AKR1E2: variants seen among roughly 807,000 people sequenced by gnomAD.
AKR1E2 encodes the protein aldo-keto reductase family 1 member E2.
AKR1E2 carries 43 observed loss-of-function variants against 41.9 expected under a neutral mutation model. That is an observed-to-expected ratio of 1.03 (90% confidence interval 0.80 to 1.32). The LOEUF (loss-of-function observed/expected upper bound fraction) is 1.32, where lower values mean the gene tolerates loss of function less well. AKR1E2 is among the 40% of genes most tolerant of loss of function. The pLI, the probability that AKR1E2 is intolerant of heterozygous loss-of-function variation, is 0.00. For synonymous variants in AKR1E2, 121 were observed against 138.9 expected (o/e 0.87, Z 0.91); for missense variants, 423 against 396.5 (o/e 1.07, Z -0.57).
At chr10:4,864,484 A>T in the AKR1E2 span, among the ~76,000 whole-genome samples, 4 of 152,126 alleles carry the variant, frequency 2.6e-5, no homozygotes, top group Non-Finnish European at 5.9e-5. Context: ...GCTATTTATG[A>T]CAAACCCACA....
Position 4,830,695 on chromosome 10 carries a change from C to A in AKR1E2, c.60C>A (p.Thr20=), listed in dbSNP as rs3750739. Residue 20 remains threonine (T), a synonymous_variant, in exon 2 of 10, where the codon ACC becomes ACA. Transcript: ENST00000298375. ...SSWKASPGKV[T]EAVKEAIDAG... is the part of the protein sequence containing the mutation. ...TGCAGGCTTCTCCAGGGAAAGTGAC[C>A]GAGGCAGTGAAAGAGGCCATTGACG... is the stretch of plus-strand genomic sequence containing the variant. 0.043 allele frequency: 68,681 copies of A among 1,613,746 alleles called. 1,820 individuals carry two copies. The highest frequency in any genetic ancestry group is 0.12 in the East Asian group (5,522 of 44,846).
chr10:4,833,387 C>T lies in AKR1E2; in HGVS notation c.245C>T (p.Thr82Ile), dbSNP rs1833133737. Residue 82 changes from threonine (T) to isoleucine (I), a missense_variant, in exon 3 of 10, where the codon ACA becomes ATA. Physicochemically the swap from Thr to Ile is moderately conservative, Grantham distance 89 (BLOSUM62 -1). Transcript: ENST00000298375. ...CTCHKKSLVE[T>I]ACRKSLKALK... Reference sequence around the variant, plus strand: ...TGCCATAAGAAGTCCTTGGTGGAAACAGCATGCAGAAAGAGTCTCAAGGCC... The same window carrying T: ...TGCCATAAGAAGTCCTTGGTGGAAATAGCATGCAGAAAGAGTCTCAAGGCC... 6.2e-7 allele frequency: 1 copy of T among 1,614,062 alleles called. No homozygotes were observed. Among genetic ancestry groups the T allele is most frequent in the Admixed American group, 1.7e-5 (1 of 60,012 alleles).
Position 4,846,289 on chromosome 10 carries a change from C to T in AKR1E2, c.838-859C>T, listed in dbSNP as rs578143737. 5.1e-5 allele frequency: 9 copies of T among 177,868 alleles called. No individual in the cohort carries two copies. The South Asian group carries it at 8.0e-4, about 16-fold the overall frequency. The allele number at this position is 177,868 out of a possible 1,614,324, so 11.0% of individuals were successfully genotyped here. On this transcript the variant is annotated intron_variant, in intron 8 of 9. Transcript: ENST00000298375. ...CCGCAAGACAGCCACTCTGCCAGGC[C>T]GGGGTGGATGCTGATGCTGTGGCCA...
At chr10:4,867,544 G>A in the AKR1E2 span, among the ~76,000 whole-genome samples, 1 of 152,182 alleles carries the variant, frequency 6.6e-6, no homozygotes, top group Non-Finnish European at 1.5e-5. Context: ...TACACACTAT[G>A]TAACTTTTTT....
downstream of AKR1E2, among the ~76,000 whole-genome samples, chr10:4,848,420 G>A (rs1384467790): frequency 6.6e-6 from 1 of 152,196 alleles, no homozygotes; most frequent in Non-Finnish European, 1.5e-5. Flanking sequence ...ACTTCCTGTG[G>A]TCCAGACGCC....
downstream of AKR1E2, among the ~76,000 whole-genome samples, chr10:4,849,249 C>G (rs150014458): frequency 6.6e-6 from 1 of 152,214 alleles, no homozygotes; most frequent in Non-Finnish European, 1.5e-5. Context: ...GACCTTCCTA[C>G]GATCAGGCCC....
At chr10:4,835,902 A>T in intron 4 of AKR1E2, 93 bp downstream of exon 4, 1 of 1,504,886 alleles carries the variant, frequency 6.6e-7, no homozygotes, top group Non-Finnish European at 9.0e-7. Context: ...CAAAGACATC[A>T]AGGTTGTCTA....
intron 1 of AKR1E2, among the ~76,000 whole-genome samples, 172 bp downstream of exon 1, chr10:4,826,535 C>T (rs1832523067): frequency 1.3e-5 from 2 of 152,178 alleles, no homozygotes; most frequent in Non-Finnish European, 2.9e-5. Flanking sequence ...ACAAGCAGCC[C>T]GGCCCGGCCT....
At chr10:4,835,069 G>A (rs185773691) in intron 3 of AKR1E2, among the ~76,000 whole-genome samples, 1 of 152,356 alleles carries the variant, frequency 6.6e-6, no homozygotes, top group African/African-American at 2.4e-5. Context: ...GTGTGATTAG[G>A]TGTCATTAAA....
Position 4,841,775 on chromosome 10 carries a change from G to C in AKR1E2, c.681-10G>C, listed in dbSNP as rs1212052723. ...CTCCTGGCTCACTCCCCTGTACTGTGTCTCTCTAGTGAGGGGGTTGACCTG... is the reference window on the plus strand; with the variant it reads ...CTCCTGGCTCACTCCCCTGTACTGTCTCTCTCTAGTGAGGGGGTTGACCTG... On this transcript the variant is annotated splice_polypyrimidine_tract_variant and intron_variant, in intron 6 of 9. Coordinates refer to ENST00000298375, the MANE Select transcript of AKR1E2 (RefSeq NM_001040177.3). The C allele has an allele frequency of 1.2e-5, 19 of 1,608,240 alleles. No individual in the cohort carries two copies. The highest frequency in any genetic ancestry group is 1.4e-5 in the Non-Finnish European group (17 of 1,176,892).
chr10:4,832,233 C>T (rs758994878), intron 2 of AKR1E2, among the ~76,000 whole-genome samples: 7 of 152,130 alleles, frequency 4.6e-5, no homozygotes, highest in African/African-American at 2.4e-5. Flanking sequence ...TAAAATGAGA[C>T]TTTGGATTTG....
chr10:4,844,629 A>G (rs1299050538), intron 8 of AKR1E2, among the ~76,000 whole-genome samples: 8 of 150,694 alleles, frequency 5.3e-5, no homozygotes, highest in Non-Finnish European at 1.2e-4. Flanking sequence ...TAGATTAGCT[A>G]GATACAGAGT....
the AKR1E2 span, among the ~76,000 whole-genome samples, chr10:4,866,312 A>G: frequency 6.6e-6 from 1 of 152,182 alleles, no homozygotes; most frequent in Non-Finnish European, 1.5e-5. Flanking sequence ...GTAGCACTGG[A>G]ACCAGTTTTC....
At chr10:4,841,301 G>T (rs1833853236) in intron 6 of AKR1E2, among the ~76,000 whole-genome samples, 1 of 152,186 alleles carries the variant, frequency 6.6e-6, no homozygotes, top group South Asian at 2.1e-4. Flanking sequence ...GATGCACAGG[G>T]ACTCTATGAC....
chr10:4,845,202 C>T (rs144498503), intron 8 of AKR1E2, among the ~76,000 whole-genome samples: 5,293 of 152,026 alleles, frequency 0.035, 144 homozygotes, highest in East Asian at 0.11. Flanking sequence ...GCTTGCCAGC[C>T]GCTCCGAGTG....
chr10:4,837,401 G>T lies in AKR1E2; in HGVS notation c.460-58G>T. 3.8e-6 allele frequency: 6 copies of T among 1,592,450 alleles called. No homozygotes were observed. In the South Asian group the frequency reaches 5.6e-5, roughly 15 times the overall value. On this transcript the variant is annotated intron_variant, in intron 4 of 9. Transcript: ENST00000298375. ...ATACCATACAGAACTGCTGAGGGAC[G>T]TAGATTGTCAGTGCAGTAGACAGAA...
intron 1 of AKR1E2, among the ~76,000 whole-genome samples, chr10:4,830,471 C>A (rs903606790): frequency 2.6e-5 from 4 of 151,678 alleles, no homozygotes; most frequent in Admixed American, 6.6e-5. Flanking sequence ...TTTTTTTTCC[C>A]AAAATATGTA....
At chr10:4,865,756 G>A in the AKR1E2 span, among the ~76,000 whole-genome samples, 1 of 152,076 alleles carries the variant, frequency 6.6e-6, no homozygotes, top group Non-Finnish European at 1.5e-5. Flanking sequence ...TTAAAAATGT[G>A]CATAATTATA....
Position 4,826,266 on chromosome 10 carries a change from C to T in AKR1E2, c.-59C>T, listed in dbSNP as rs1204783113. ...GTCGCCAGCGCCGCAGTAGCTCGCGCGGTGCCTGTCGGTAGTCGCGTGCGG... is the reference window on the plus strand; with the variant it reads ...GTCGCCAGCGCCGCAGTAGCTCGCGTGGTGCCTGTCGGTAGTCGCGTGCGG... On this transcript the variant is annotated 5_prime_UTR_variant, in exon 1 of 10. Transcript: ENST00000298375. 5.8e-6 allele frequency: 7 copies of T among 1,214,084 alleles called. No homozygotes were observed. The African/African-American group carries it at 1.1e-4, about 19-fold the overall frequency. 75.2% of individuals were successfully genotyped at this position (1,214,084 alleles called of 1,614,324 possible). A position where few individuals can be genotyped will look rare whatever the true frequency, so the allele number is the denominator to read the frequency against.
Sources: gnomAD v4.1 joint callset for allele counts (sites outside exome capture counted in the v4.1 genomes callset) on GRCh38, gnomAD v4.1.1 for gene constraint, MANE v1.5 for transcripts, NCBI Gene and HGNC (gene_info 2026-07-23, HGNC 2026-07-21) for gene names.